The following ITGB5 variants were observed in gnomAD, a reference collection of about 807,000 sequenced individuals.
ITGB5 encodes integrin beta-5.
A neutral mutation model predicts 84.8 loss-of-function variants in ITGB5; 38 were observed. That is an observed-to-expected ratio of 0.45 (90% CI 0.35 to 0.59). ITGB5 has a LOEUF of 0.59. Ranked by LOEUF, ITGB5 falls within the 20% of genes least tolerant of loss-of-function variation. ITGB5 has a pLI of 0.01. For missense variants in ITGB5, 905 were observed against 1,034.5 expected, an observed-to-expected ratio of 0.87 and a Z score of 1.72; for synonymous variants, 393 against 414.4, an observed-to-expected ratio of 0.95 and a Z score of 0.63.
chr3:124,809,242 G>C (rs2064459760), intron 8 of ITGB5, 86 bp from the exon 9 acceptor site: 1 of 1,476,402 alleles, frequency 6.8e-7, no homozygotes, highest in Admixed American at 1.8e-5. Flanking sequence ...AGGCCCACGT[G>C]GCTTCCTCTA....
At position 124,884,015 on chromosome 3, in the gene ITGB5, G is replaced by A. The variant is rs1934692943; in HGVS notation, c.70+2916C>T. ...GAAATCCGTACTGAGATGAAAGTGG[G>A]GTTAGAGCAACAGAGAGAGGCACTC... On this transcript the variant is annotated intron_variant, in intron 1 of 14. Transcript: ENST00000296181. 3.9e-5 allele frequency among the ~76,000 whole-genome samples: 6 copies of A among 152,104 alleles called. No individual in the cohort carries two copies. The South Asian group carries it at 1.2e-3, about 32-fold the overall frequency.
chr3:124,779,384 TG>T (rs1164539456), intron 10 of ITGB5, among the ~76,000 whole-genome samples: 17 of 152,060 alleles, frequency 1.1e-4, no homozygotes, highest in African/African-American at 4.1e-4. Flanking sequence ...GAGAAACGTG[TG>T]ACCTGGGTGT....
chr3:124,793,523 C>A (rs137923566), intron 10 of ITGB5, among the ~76,000 whole-genome samples: 170 of 152,340 alleles, frequency 1.1e-3, no homozygotes, highest in African/African-American at 3.7e-3. Context: ...AGGTGTGGCC[C>A]CCCCAGAGGG....
intron 4 of ITGB5, among the ~76,000 whole-genome samples, chr3:124,847,792 T>C (rs1172598583): frequency 1.3e-5 from 2 of 152,226 alleles, no homozygotes; most frequent in African/African-American, 4.8e-5. Flanking sequence ...TTTCTAATAA[T>C]ATGTCAAATC....
chr3:124,873,392 C>T (rs1934149912), intron 2 of ITGB5, 54 bp downstream of exon 2: 6 of 1,250,908 alleles, frequency 4.8e-6, no homozygotes, highest in Non-Finnish European at 5.9e-6. Context: ...CTCCTTCTCA[C>T]CCTCACCCTC....
chr3:124,880,938 TAAAA>T (rs1224163267), intron 1 of ITGB5, among the ~76,000 whole-genome samples: 2 of 151,272 alleles, frequency 1.3e-5, no homozygotes, highest in African/African-American at 4.9e-5. Context: ...CAAAATAAAA[TAAAA>T]AAGAAAGGGA....
At chr3:124,783,907 G>A (rs1378867725) in intron 10 of ITGB5, among the ~76,000 whole-genome samples, 6 of 152,154 alleles carry the variant, frequency 3.9e-5, no homozygotes, top group Admixed American at 6.5e-5. Context: ...TCCTCTGTCC[G>A]CGGCATATTG....
At chr3:124,882,658 G>A (rs954801120) in intron 1 of ITGB5, among the ~76,000 whole-genome samples, 1 of 152,248 alleles carries the variant, frequency 6.6e-6, no homozygotes, top group South Asian at 2.1e-4. Context: ...AAGGTTTTAA[G>A]CAGAGAGATA....
chr3:124,770,996 T>C (rs2063835018), intron 11 of ITGB5, among the ~76,000 whole-genome samples: 1 of 151,890 alleles, frequency 6.6e-6, no homozygotes, highest in African/African-American at 2.4e-5. Flanking sequence ...TCTGATTCTC[T>C]GTTGTTAAAC....
At chr3:124,797,751 G>A (rs907865338) in intron 9 of ITGB5, among the ~76,000 whole-genome samples, 1 of 152,150 alleles carries the variant, frequency 6.6e-6, no homozygotes, top group Non-Finnish European at 1.5e-5. Context: ...GGAGAGCCAT[G>A]TGGGGTCTGA....
Position 124,873,479 on chromosome 3 carries a change from T to C in ITGB5, c.123A>G (p.Leu41=), listed in dbSNP as rs756033488. The C allele has an allele frequency of 3.2e-5, 51 of 1,613,854 alleles. No homozygotes were observed. In the Middle Eastern group the frequency reaches 4.9e-4, roughly 16 times the overall value. Residue 41 remains leucine, a synonymous_variant, in exon 2 of 15, where the codon CTA becomes CTG. Coordinates refer to ENST00000296181, the MANE Select transcript of ITGB5 (RefSeq NM_002213.5). ...AGCACCAGGCACATTTTGGGTGGAT[T>C]AGCAGACATTCTTCACATGAGGTGG... The part of the protein sequence containing the change: ...GSATSCEECL[L]IHPKCAWCSK...
At chr3:124,877,851 A>G (rs1252436816) in intron 1 of ITGB5, among the ~76,000 whole-genome samples, 1 of 149,974 alleles carries the variant, frequency 6.7e-6, no homozygotes, top group Non-Finnish European at 1.5e-5. Flanking sequence ...AAGCCACATA[A>G]TTTTTTTTTT....
chr3:124,856,972 C>G (rs1379597414), intron 3 of ITGB5, among the ~76,000 whole-genome samples: 1 of 152,210 alleles, frequency 6.6e-6, no homozygotes, highest in East Asian at 1.9e-4. Context: ...GTGTTGCTTA[C>G]AGTGAGAAGG....
chr3:124,809,026 T>TC lies in ITGB5; in HGVS notation c.1258dup (p.Asp420GlyfsTer6). ...CAAACTTGGGGTGAGACTTACCGTG[T>TC]CCCCAATCTTCAGACCCTCACACTT... On this transcript the variant is annotated frameshift_variant, in exon 9 of 15. Coordinates refer to ENST00000296181, the MANE Select transcript of ITGB5 (RefSeq NM_002213.5). LOFTEE classifies it high-confidence loss of function. 6.2e-7 allele frequency: 1 copy of TC among 1,613,986 alleles called. No individual in the cohort carries two copies. Among genetic ancestry groups the TC allele is most frequent in the Non-Finnish European group, 8.5e-7 (1 of 1,179,956 alleles).
intron 2 of ITGB5, among the ~76,000 whole-genome samples, chr3:124,872,747 T>G (rs773339863): frequency 6.6e-6 from 1 of 152,068 alleles, no homozygotes; most frequent in African/African-American, 2.4e-5. Context: ...CCTCCTTCCT[T>G]CCTCCCTCCC....
intron 5 of ITGB5, among the ~76,000 whole-genome samples, chr3:124,837,467 G>A (rs1001612251): frequency 1.3e-5 from 2 of 152,308 alleles, no homozygotes; most frequent in South Asian, 2.1e-4. Context: ...AAAAATGCCC[G>A]CCTTGACGAC....
At chr3:124,844,512 A>T (rs2065052690) in intron 4 of ITGB5, among the ~76,000 whole-genome samples, 1 of 152,036 alleles carries the variant, frequency 6.6e-6, no homozygotes, top group Non-Finnish European at 1.5e-5. Context: ...GTGAGCTGAG[A>T]TCCCGCCACT....
intron 1 of ITGB5, among the ~76,000 whole-genome samples, chr3:124,899,932 A>G (rs991034422): frequency 2.1e-5 from 3 of 141,464 alleles, no homozygotes; most frequent in Non-Finnish European, 4.6e-5. Context: ...ACTTTACTGG[A>G]GAGAATATGA....
intron 1 of ITGB5, among the ~76,000 whole-genome samples, chr3:124,877,999 C>T (rs563446320): frequency 2.3e-4 from 35 of 152,274 alleles, no homozygotes; most frequent in Non-Finnish European, 3.4e-4. Flanking sequence ...TATGCCATCA[C>T]GCCTGGCTAA....
Sources: gnomAD v4.1 joint callset for allele counts (sites outside exome capture counted in the v4.1 genomes callset) on GRCh38, gnomAD v4.1.1 for gene constraint, MANE v1.5 for transcripts, NCBI Gene and HGNC (gene_info 2026-07-23, HGNC 2026-07-21) for gene names.